Variants in MOGAT3 observed in about 807,000 individuals in gnomAD.
The protein encoded by MOGAT3 is monoacylglycerol O-acyltransferase 3, also known as 2-acylglycerol O-acyltransferase 3.
Under a neutral mutation model 34.4 loss-of-function variants are expected in MOGAT3, and 39 were observed. The observed-to-expected ratio is 1.13, with a 90% CI of 0.88 to 1.48. The LOEUF (loss-of-function observed/expected upper bound fraction) is 1.48, where lower values mean the gene tolerates loss of function less well. Ranked by LOEUF, MOGAT3 falls within the 40% of genes most tolerant of loss-of-function variation. The pLI, the probability that MOGAT3 is intolerant of heterozygous loss-of-function variation, is 0.00. For missense variants in MOGAT3, 439 were observed against 438.9 expected (o/e 1.00, Z 0.00); for synonymous variants, 209 against 179.2 (o/e 1.17, Z -1.33).
At position 101,196,187 on chromosome 7, in the gene MOGAT3, C is replaced by T; in HGVS notation, c.871G>A (p.Val291Met). The T allele has an allele frequency of 6.4e-7, 1 of 1,573,704 alleles. No homozygotes were observed. Among genetic ancestry groups the T allele is most frequent in the Non-Finnish European group, 8.6e-7 (1 of 1,159,256 alleles). Residue 291 changes from valine (V) to methionine (M), a missense_variant and splice_region_variant, in exon 6 of 7, where the codon GTG becomes ATG. Transcript: ENST00000223114. The stretch of plus-strand genomic sequence containing the variant: ...CGTCCCCCCGGAGGTGGGCACTCAC[C>T]CACAGTGGTGATGGGCACAGCAAAG... ...LPFAVPITTV[V>M]GRPIPVPQRL... is the part of the protein sequence containing the mutation.
At chr7:101,200,086 T>C in intron 3 of MOGAT3, 148 bp downstream of exon 3, 1 of 686,900 alleles carries the variant, frequency 1.5e-6, no homozygotes, top group East Asian at 2.6e-5. Context: ...GGAGACTCAG[T>C]CTAAAAAAAA....
At chr7:101,194,676 T>C (rs536362384), downstream of MOGAT3, among the ~76,000 whole-genome samples, 4 of 151,632 alleles carry the variant, frequency 2.6e-5, no homozygotes, top group East Asian at 7.8e-4. Flanking sequence ...TAAGTTTTTG[T>C]ATTTTTAGTA....
chr7:101,198,257 A>G lies in MOGAT3; in HGVS notation c.602T>C (p.Val201Ala). 6.2e-7 allele frequency: 1 copy of G among 1,613,418 alleles called. No homozygotes were observed. The highest frequency in any genetic ancestry group is 8.5e-7 in the Non-Finnish European group (1 of 1,179,688). ...VGGAHEALYS[V>A]PGEHCLTLQK... ...GAGCGTAAGGCAGTGCTCCCCGGGG[A>G]CTGAATACAGGGCCTCGTGCGCACC... The change falls in exon 5 of 7, where the codon GTC (valine) becomes GCC (alanine). Residue 201 changes from valine to alanine, a missense_variant. Transcript: ENST00000223114.
At chr7:101,194,736 C>T (rs1797740010), downstream of MOGAT3, among the ~76,000 whole-genome samples, 1 of 151,546 alleles carries the variant, frequency 6.6e-6, no homozygotes. Context: ...CTCCTGACCT[C>T]GTGATCCGCC....
Position 101,196,291 on chromosome 7 carries a change from A to C in MOGAT3, c.767T>G (p.Phe256Cys). The C allele has an allele frequency of 6.2e-7, 1 of 1,613,762 alleles. No homozygotes were observed. The highest frequency in any genetic ancestry group is 8.5e-7 in the Non-Finnish European group (1 of 1,179,834). The change falls in exon 6 of 7, where the codon TTC (phenylalanine) becomes TGC (cysteine). Residue 256 changes from phenylalanine to cysteine, a missense_variant. Phe to Cys is a radical substitution (Grantham distance 205, BLOSUM62 -2). Transcript: ENST00000223114. ...GSWQHWCQLTFKKLMGFSPCI... is the reference protein window; with the variant it reads ...GSWQHWCQLTCKKLMGFSPCI... ...AGGAGAGAAGCCCATGAGCTTCTTGAAGGTGAGCTGGCACCAATGCTGCCA... is the reference window on the plus strand; with the variant it reads ...AGGAGAGAAGCCCATGAGCTTCTTGCAGGTGAGCTGGCACCAATGCTGCCA...
At chr7:101,198,389 G>C in intron 4 of MOGAT3, 24 bp from the exon 5 acceptor site, 1 of 1,525,834 alleles carries the variant, frequency 6.6e-7, no homozygotes, top group Non-Finnish European at 8.8e-7. Flanking sequence ...GAGGTGGAAA[G>C]TAGTTCCCAT....
In MOGAT3 at chr7:101,198,804, C is replaced by G. The variant is rs753702249; in HGVS notation, c.315G>C (p.Pro105=). 1.2e-6 allele frequency: 2 copies of G among 1,613,852 alleles called. No homozygotes were observed. The highest frequency in any genetic ancestry group is 2.2e-5 in the South Asian group (2 of 91,064). The part of the protein sequence containing the change: ...VKLVKTAELP[P]DRNYVLGAHP... ...GGGCGCCCAGCACGTAGTTCCGATCCGGGGGCAGCTCTGCTGTTTTCACCA... is the reference window on the plus strand; with the variant it reads ...GGGCGCCCAGCACGTAGTTCCGATCGGGGGGCAGCTCTGCTGTTTTCACCA... The change falls in exon 4 of 7, where the codon CCG becomes CCC. Residue 105 remains proline (P), a synonymous_variant. Transcript: ENST00000223114.
intron 5 of MOGAT3, 115 bp downstream of exon 5, chr7:101,198,076 A>C: frequency 8.3e-7 from 1 of 1,207,996 alleles, no homozygotes; most frequent in Non-Finnish European, 1.1e-6. Flanking sequence ...GGTGCAGGGC[A>C]GGGCGCTGGT....
chr7:101,198,866 A>C, intron 3 of MOGAT3, 36 bp from the exon 4 acceptor site: 2 of 1,593,768 alleles, frequency 1.3e-6, no homozygotes, highest in South Asian at 2.2e-5. Context: ...GGAGGATGGA[A>C]GGCAAGACAC....
intron 1 of MOGAT3, 25 bp downstream of exon 1, chr7:101,200,721 G>C: frequency 1.9e-6 from 3 of 1,596,810 alleles, no homozygotes; most frequent in Non-Finnish European, 2.6e-6. Flanking sequence ...CAGACCCCAG[G>C]CACCCACGCC....
chr7:101,196,423 G>A, intron 5 of MOGAT3, 34 bp from the exon 6 acceptor site: 2 of 1,536,118 alleles, frequency 1.3e-6, no homozygotes, highest in Non-Finnish European at 1.8e-6. Context: ...GGGGGCTCAG[G>A]CTGCTGGACT....
At chr7:101,196,450 C>T in intron 5 of MOGAT3, 61 bp from the exon 6 acceptor site, 11 of 1,277,166 alleles carry the variant, frequency 8.6e-6, no homozygotes, top group Non-Finnish European at 7.7e-6. Flanking sequence ...AGATGGGCAC[C>T]CCCAGGGGCT....
downstream of MOGAT3, among the ~76,000 whole-genome samples, chr7:101,193,839 T>G (rs548165906): frequency 2.0e-5 from 3 of 152,306 alleles, no homozygotes; most frequent in African/African-American, 7.2e-5. Flanking sequence ...AAGGGAAAAT[T>G]CTTCCCACAA....
At chr7:101,196,576 CTT>C (rs1797793627) in intron 5 of MOGAT3, among the ~76,000 whole-genome samples, 187 bp from the exon 6 acceptor site, 1 of 152,210 alleles carries the variant, frequency 6.6e-6, no homozygotes, top group East Asian at 1.9e-4. Flanking sequence ...CTTTCTTTTT[CTT>C]TGTTTTAGAG....
At chr7:101,197,170 T>A (rs539956734) in intron 5 of MOGAT3, among the ~76,000 whole-genome samples, 57 of 151,998 alleles carry the variant, frequency 3.8e-4, no homozygotes, top group East Asian at 2.7e-3. Flanking sequence ...TAGAAAATTT[T>A]AAAAAATAAA....
Position 101,200,837 on chromosome 7 carries a change from G to T in MOGAT3, c.18C>A (p.Thr6=). Residue 6 remains threonine (T), a synonymous_variant, in exon 1 of 7, where the codon ACC becomes ACA. Coordinates refer to ENST00000223114, the MANE Select transcript of MOGAT3 (RefSeq NM_178176.4). MGVAT[T]LQPPTTSKTL... is the part of the protein sequence containing the mutation. ...TTTTGGAAGTGGTTGGGGGCTGCAG[G>T]GTTGTGGCAACTCCCATTGCAGAAG... The T allele has an allele frequency of 3.7e-6, 6 of 1,613,830 alleles. No homozygotes were observed. Among genetic ancestry groups the T allele is most frequent in the Non-Finnish European group, 4.2e-6 (5 of 1,179,918 alleles).
In MOGAT3 at chr7:101,195,916, CAG is replaced by C; in HGVS notation, c.*28_*29del. The stretch of plus-strand genomic sequence containing the variant: ...GGTGGAGGTCTCAGTGCCTTGGGCT[CAG>C]GGGCTCAGCGAAAGGCCGCGGCCAG... On this transcript the variant is annotated 3_prime_UTR_variant, in exon 7 of 7. Coordinates refer to ENST00000223114, the MANE Select transcript of MOGAT3 (RefSeq NM_178176.4). 1 of 1,613,078 alleles carries C rather than the reference CAG, an allele frequency of 6.2e-7. No individual in the cohort carries two copies. The highest frequency in any genetic ancestry group is 8.5e-7 in the Non-Finnish European group (1 of 1,179,594).
rs1327340206 is a variant in MOGAT3 at position 101,196,205 on chromosome 7, C to G, written c.853G>C (p.Val285Leu). The change falls in exon 6 of 7, where the codon GTG becomes CTG. Residue 285 changes from valine to leucine, a missense_variant. Transcript: ENST00000223114. ...ATSWGLLPFA[V>L]PITTVVGRPI... ...CACTCACCCACAGTGGTGATGGGCA[C>G]AGCAAAGGGCAGCAGGCCCCAGGAG... 6.3e-7 allele frequency: 1 copy of G among 1,578,120 alleles called. No individual in the cohort carries two copies. The highest frequency in any genetic ancestry group is 8.6e-7 in the Non-Finnish European group (1 of 1,161,590).
intron 4 of MOGAT3, 43 bp from the exon 5 acceptor site, chr7:101,198,408 A>AC (rs761132076): frequency 6.6e-6 from 10 of 1,510,938 alleles, no homozygotes; most frequent in African/African-American, 1.4e-5. Flanking sequence ...ATCTGCCTCC[A>AC]CGGCACCCCC....
Sources: allele counts gnomAD v4.1 joint callset (sites outside exome capture counted in the v4.1 genomes callset), GRCh38; gene constraint gnomAD v4.1.1; transcripts MANE v1.5; gene names NCBI Gene and HGNC (gene_info 2026-07-23, HGNC 2026-07-21).